The following CPEB3 variants were observed in gnomAD, a reference collection of about 807,000 sequenced individuals.
The protein encoded by CPEB3 is cytoplasmic polyadenylation element binding protein 3.
In CPEB3, 20 loss-of-function variants were observed where a neutral mutation model predicts 67.2. That is an observed-to-expected ratio of 0.30 (90% CI 0.21 to 0.43). The LOEUF is 0.43. Among genes scored for constraint, CPEB3 ranks in the 20% least tolerant of loss-of-function variants. The pLI, the probability that CPEB3 is intolerant of heterozygous loss-of-function variation, is 1.00. For missense variants in CPEB3, 746 were observed against 968.6 expected (o/e 0.77, Z 3.05); for synonymous variants, 376 against 393.1 (o/e 0.96, Z 0.51).
At chr10:92,175,399 T>C (rs1291506226) in intron 4 of CPEB3, among the ~76,000 whole-genome samples, 2 of 152,182 alleles carry the variant, frequency 1.3e-5, no homozygotes, top group Non-Finnish European at 1.5e-5. Flanking sequence ...GCTTTGAATA[T>C]TCGCACATAT....
Position 92,239,281 on chromosome 10 carries a change from AG to A in CPEB3, c.1005+64del. ...AAATATAAGCGGGTGGATGATTAAAAGTCAGAGAAGTGGCAAAAGGAGCGGG... is the reference window on the plus strand; with the variant it reads ...AAATATAAGCGGGTGGATGATTAAAATCAGAGAAGTGGCAAAAGGAGCGGG... On this transcript the variant is annotated intron_variant, in intron 2 of 9. Transcript: ENST00000265997. The surrounding 1 kb of genome is among the most constrained non-coding windows in gnomAD (Gnocchi z 6.0). 4 of 1,526,802 alleles carry A rather than the reference AG, an allele frequency of 2.6e-6. No individual in the cohort carries two copies. The highest frequency in any genetic ancestry group is 3.6e-6 in the Non-Finnish European group (4 of 1,125,088). 94.6% of individuals were successfully genotyped at this position (1,526,802 alleles called of 1,614,324 possible).
At chr10:92,196,761 C>T (rs1045128054) in intron 2 of CPEB3, among the ~76,000 whole-genome samples, 5 of 142,812 alleles carry the variant, frequency 3.5e-5, no homozygotes, top group Admixed American at 3.4e-4. Context: ...AGCAAGACTC[C>T]GTCTCAAAAA....
At chr10:92,058,459 A>C (rs987178484) in intron 9 of CPEB3, among the ~76,000 whole-genome samples, 1 of 151,942 alleles carries the variant, frequency 6.6e-6, no homozygotes, top group East Asian at 1.9e-4. Flanking sequence ...TGAGGCAGGA[A>C]AATCACTTAA....
chr10:92,163,528 A>T (rs896338952), intron 4 of CPEB3, among the ~76,000 whole-genome samples: 1 of 152,180 alleles, frequency 6.6e-6, no homozygotes, highest in Non-Finnish European at 1.5e-5. Context: ...TTATTCAAAC[A>T]TCTAATGTTC....
intron 9 of CPEB3, among the ~76,000 whole-genome samples, chr10:92,053,468 A>T (rs1047588438): frequency 4.0e-5 from 6 of 151,312 alleles, no homozygotes; most frequent in Admixed American, 1.3e-4. Flanking sequence ...GGTTCAAGTG[A>T]TTCTCCTGCC....
chr10:92,159,703 C>G (rs1201832342), intron 4 of CPEB3, among the ~76,000 whole-genome samples: 1 of 151,924 alleles, frequency 6.6e-6, no homozygotes, highest in Admixed American at 6.6e-5. Flanking sequence ...AACAAACAAA[C>G]AAAAAAACTA....
intron 2 of CPEB3, among the ~76,000 whole-genome samples, chr10:92,233,617 T>C (rs1478645005): frequency 1.3e-5 from 2 of 151,706 alleles, no homozygotes; most frequent in African/African-American, 4.8e-5. Context: ...TTGAAAAATA[T>C]TGGTATTTCC....
At chr10:92,230,081 G>A (rs921689901) in intron 2 of CPEB3, among the ~76,000 whole-genome samples, 3 of 151,846 alleles carry the variant, frequency 2.0e-5, no homozygotes, top group South Asian at 2.1e-4. Context: ...TGGAGAATCC[G>A]TCACAAAAAT....
intron 2 of CPEB3, chr10:92,216,463 G>A (rs1850402195): frequency 5.6e-6 from 9 of 1,612,848 alleles, no homozygotes; most frequent in Non-Finnish European, 6.8e-6. Flanking sequence ...GCCGCCTCAA[G>A]CGGAAGCTCT....
At chr10:92,234,211 G>A (rs1447092132) in intron 2 of CPEB3, among the ~76,000 whole-genome samples, 1 of 151,586 alleles carries the variant, frequency 6.6e-6, no homozygotes, top group African/African-American at 2.4e-5. Flanking sequence ...CAGGCAATCT[G>A]CTGCTAAAGC....
intron 6 of CPEB3, among the ~76,000 whole-genome samples, chr10:92,118,089 C>G (rs1590177625): frequency 6.6e-6 from 1 of 152,148 alleles, no homozygotes; most frequent in East Asian, 1.9e-4. Context: ...CAGAACTTGC[C>G]TTTAAAATGT....
chr10:92,156,616 T>A (rs1346882901), intron 4 of CPEB3, among the ~76,000 whole-genome samples: 1 of 152,216 alleles, frequency 6.6e-6, no homozygotes, highest in Admixed American at 6.5e-5. Context: ...TCCTTTTCTT[T>A]CCTGACAGTG....
chr10:92,113,962 A>G (rs1293457572), intron 6 of CPEB3, among the ~76,000 whole-genome samples: 1 of 152,238 alleles, frequency 6.6e-6, no homozygotes, highest in Non-Finnish European at 1.5e-5. Flanking sequence ...ACAGTTTACC[A>G]ATTTCTTTAG....
chr10:92,275,281 T>C (rs937371596), intron 1 of CPEB3, among the ~76,000 whole-genome samples: 2 of 152,174 alleles, frequency 1.3e-5, no homozygotes, highest in African/African-American at 4.8e-5. Flanking sequence ...CATCCCTCAG[T>C]GTAACAATCG....
At chr10:92,056,721 G>C (rs1331447574) in intron 9 of CPEB3, among the ~76,000 whole-genome samples, 1 of 152,174 alleles carries the variant, frequency 6.6e-6, no homozygotes, top group Non-Finnish European at 1.5e-5. Context: ...GTGGATTCGG[G>C]GGGCACGTGG....
At chr10:92,159,699 CA>C (rs1054262787) in intron 4 of CPEB3, among the ~76,000 whole-genome samples, 1 of 151,956 alleles carries the variant, frequency 6.6e-6, no homozygotes, top group Non-Finnish European at 1.5e-5. Flanking sequence ...AAAAAACAAA[CA>C]AACAAAAAAA....
chr10:92,142,952 T>C, intron 6 of CPEB3, 77 bp downstream of exon 6: 1 of 990,256 alleles, frequency 1.0e-6, no homozygotes, highest in South Asian at 1.5e-5. Flanking sequence ...ATTTCAAGAG[T>C]TAAAAGGCTG....
intron 7 of CPEB3, among the ~76,000 whole-genome samples, chr10:92,109,864 C>T (rs181945202): frequency 6.6e-6 from 1 of 152,320 alleles, no homozygotes; most frequent in East Asian, 1.9e-4. Flanking sequence ...ATGTCATCAT[C>T]CTTCTCAACA....
rs959010061 is a variant in CPEB3 at position 92,239,241 on chromosome 10, A to G, written c.1005+105T>C. 19 of 1,278,286 alleles carry G rather than the reference A, an allele frequency of 1.5e-5. No homozygotes were observed. Among genetic ancestry groups the G allele is most frequent in the Non-Finnish European group, 2.1e-5 (19 of 920,922 alleles). 79.2% of individuals were successfully genotyped at this position (1,278,286 alleles called of 1,614,324 possible). The stretch of plus-strand genomic sequence containing the variant: ...TCGGAAGGGGAAAGAGGAGCTGGAC[A>G]TTGCTGCCCTTTTTAAATATAAGCG... On this transcript the variant is annotated intron_variant, in intron 2 of 9. Coordinates refer to ENST00000265997, the MANE Select transcript of CPEB3 (RefSeq NM_014912.5). This position sits in a 1 kb window ranked among gnomAD's most constrained non-coding sequence, Gnocchi z 6.0.
Sources: gnomAD v4.1 joint callset for allele counts (sites outside exome capture counted in the v4.1 genomes callset) on GRCh38, gnomAD v4.1.1 for gene constraint, Gnocchi (gnomAD v3.1) non-coding constraint, MANE v1.5 for transcripts, NCBI Gene and HGNC (gene_info 2026-07-23, HGNC 2026-07-21) for gene names.